The following HIVEP1 variants were observed in gnomAD, a reference collection of about 807,000 sequenced individuals.
HIVEP1 encodes HIVEP zinc finger 1, also known as zinc finger protein 40.
HIVEP1 carries 36 observed loss-of-function variants against 180.0 expected under a neutral mutation model. The ratio of observed to expected loss-of-function variants is 0.20; its 90% confidence interval spans 0.15 to 0.26. The LOEUF (loss-of-function observed/expected upper bound fraction) is 0.26, where lower values mean the gene tolerates loss of function less well. Among genes scored for constraint, HIVEP1 ranks in the 10% least tolerant of loss-of-function variants. HIVEP1 has a pLI of 1.00. For missense variants in HIVEP1, 3,143 were observed against 3,268.7 expected (o/e 0.96, Z 0.94); for synonymous variants, 1,239 against 1,239.0 (o/e 1.00, Z 0.00).
At chr6:12,082,691 G>GC (rs1772867258) in intron 2 of HIVEP1, among the ~76,000 whole-genome samples, 1 of 152,032 alleles carries the variant, frequency 6.6e-6, no homozygotes, top group South Asian at 2.1e-4. Context: ...AAACCCTAAT[G>GC]CCCCTCTACC....
At chr6:12,167,581 C>CATGTTATATTACCTGTATATATACAT (rs55679474), downstream of HIVEP1, among the ~76,000 whole-genome samples, 1 of 64,916 alleles carries the variant, frequency 1.5e-5, no homozygotes, top group African/African-American at 1.0e-4. Context: ...GTTATATATA[C>CATGTTATATTACCTGTATATATACAT]GTTATATTAC....
In HIVEP1 at chr6:12,164,482, C is replaced by CT. The variant is rs752138621; in HGVS notation, c.*30dup. 3.6e-4 allele frequency: 551 copies of CT among 1,531,496 alleles called. 1 individual carries two copies. The highest frequency in any genetic ancestry group is 7.0e-4 in the Middle Eastern group (4 of 5,742). 94.9% of individuals were successfully genotyped at this position (1,531,496 alleles called of 1,614,324 possible). On this transcript the variant is annotated 3_prime_UTR_variant, in exon 9 of 9. Transcript: ENST00000379388. ...CCTGATGGATTTTATTTTTTATTTG[C>CT]TTTTTTTTTATATAACACTTAAAGG...
chr6:12,161,590 G>A lies in HIVEP1; in HGVS notation c.6639G>A (p.Pro2213=), dbSNP rs760534569. 6.8e-6 allele frequency: 11 copies of A among 1,613,992 alleles called. No individual in the cohort carries two copies. The highest frequency in any genetic ancestry group is 2.2e-5 in the East Asian group (1 of 44,866). The change falls in exon 8 of 9, where the codon CCG becomes CCA. Residue 2213 remains proline (P), a synonymous_variant. Coordinates refer to ENST00000379388, the MANE Select transcript of HIVEP1 (RefSeq NM_002114.4). ...CCACACCCTCAGTCACAGCTAGCCC[G>A]CAGCACCTTCCATCTAGAAGTAGCC... ...LSATPSVTAS[P]QHLPSRSSLQ...
At chr6:12,191,285 A>G in the HIVEP1 span, among the ~76,000 whole-genome samples, 7 of 152,296 alleles carry the variant, frequency 4.6e-5, 1 homozygote, top group South Asian at 1.5e-3. Context: ...TCCGTTGTCA[A>G]CCAATCTAAA....
chr6:12,160,163 AGTG>A, intron 7 of HIVEP1, among the ~76,000 whole-genome samples: 1 of 152,322 alleles, frequency 6.6e-6, no homozygotes, highest in East Asian at 1.9e-4. Context: ...TTAAGCTTTC[AGTG>A]GGAAAGAGCC....
chr6:12,081,719 A>G (rs1198198521), intron 2 of HIVEP1, among the ~76,000 whole-genome samples: 7 of 152,104 alleles, frequency 4.6e-5, no homozygotes, highest in Admixed American at 2.6e-4. Flanking sequence ...AAACAAATCA[A>G]ATAGTCAAAA....
chr6:12,071,679 C>A (rs1581625976), intron 2 of HIVEP1, among the ~76,000 whole-genome samples: 3 of 152,202 alleles, frequency 2.0e-5, no homozygotes, highest in Admixed American at 2.0e-4. Flanking sequence ...GGGAGCAAAC[C>A]ATCTATTTTA....
chr6:12,046,881 G>GTGTGTGTGTGTGT (rs1581572516), intron 2 of HIVEP1, among the ~76,000 whole-genome samples: 2 of 151,370 alleles, frequency 1.3e-5, no homozygotes, highest in Non-Finnish European at 3.0e-5. Flanking sequence ...GTGTGTTTGA[G>GTGTGTGTGTGTGT]ATGGAGTCTC....
At chr6:12,135,752 CA>C (rs1462010917) in intron 6 of HIVEP1, 38 bp from the exon 7 acceptor site, 1 of 1,326,450 alleles carries the variant, frequency 7.5e-7, no homozygotes, top group East Asian at 2.3e-5. Context: ...ATAGCAAAAT[CA>C]TACTACTTAA....
At chr6:12,026,962 A>T (rs913060319) in intron 2 of HIVEP1, among the ~76,000 whole-genome samples, 1 of 152,152 alleles carries the variant, frequency 6.6e-6, no homozygotes, top group African/African-American at 2.4e-5. Context: ...TATTCTAGGG[A>T]TCAGTAAATC....
the HIVEP1 span, among the ~76,000 whole-genome samples, chr6:12,175,445 A>G: frequency 2.6e-5 from 4 of 152,250 alleles, no homozygotes; most frequent in African/African-American, 9.6e-5. Flanking sequence ...GTATAGTAAT[A>G]TCCAAATAAA....
Position 12,164,381 on chromosome 6 carries a change from C to T in HIVEP1, c.8077C>T (p.Leu2693=), listed in dbSNP as rs773414935. The part of the protein sequence containing the change: ...PDRQVPRPTA[L]PRRQPTVHFS... ...CAGACAGGTTCCCAGGCCCACAGCA[C>T]TACCGCGGAGGCAGCCCACTGTGCA... The change falls in exon 9 of 9, where the codon CTA becomes TTA. Residue 2693 remains leucine (L), a synonymous_variant. Transcript: ENST00000379388. 1.9e-6 allele frequency: 3 copies of T among 1,614,162 alleles called. No homozygotes were observed. Among genetic ancestry groups the T allele is most frequent in the African/African-American group, 1.3e-5 (1 of 75,070 alleles).
intron 3 of HIVEP1, 23 bp from the exon 4 acceptor site, chr6:12,119,867 G>C: frequency 1.5e-6 from 2 of 1,300,810 alleles, no homozygotes; most frequent in Non-Finnish European, 2.1e-6. Context: ...CCAATTGTTT[G>C]TTGTTGTTGT....
chr6:12,211,387 G>C, the HIVEP1 span, among the ~76,000 whole-genome samples: 16 of 68,198 alleles, frequency 2.3e-4, 1 homozygote, highest in Admixed American at 1.3e-3. Flanking sequence ...GTGACAGAGC[G>C]AGACTCTGTC....
chr6:12,015,719 A>G (rs768573900), intron 2 of HIVEP1, 51 bp downstream of exon 2: 4 of 1,530,718 alleles, frequency 2.6e-6, no homozygotes, highest in Admixed American at 1.8e-5. Flanking sequence ...TCTTTTAACA[A>G]AGTATCTCTT....
intron 2 of HIVEP1, among the ~76,000 whole-genome samples, chr6:12,042,742 A>T (rs1416798822): frequency 6.6e-6 from 1 of 152,158 alleles, no homozygotes; most frequent in Non-Finnish European, 1.5e-5. Flanking sequence ...TATTGATTCC[A>T]AAATATGTAG....
chr6:12,147,791 C>A (rs1003948279), intron 7 of HIVEP1, among the ~76,000 whole-genome samples: 19 of 152,100 alleles, frequency 1.2e-4, no homozygotes, highest in African/African-American at 3.9e-4. Flanking sequence ...TGTGATATCC[C>A]GTTTTTTATG....
chr6:12,152,929 T>C (rs894811837), intron 7 of HIVEP1, among the ~76,000 whole-genome samples: 11 of 152,320 alleles, frequency 7.2e-5, no homozygotes, highest in African/African-American at 2.6e-4. Context: ...ACACTTCAAA[T>C]AGTTTTTACG....
chr6:12,104,425 CTTTTTTTTTT>C (rs70981665), intron 3 of HIVEP1, among the ~76,000 whole-genome samples: 22 of 72,778 alleles, frequency 3.0e-4, no homozygotes, highest in African/African-American at 1.2e-3. Flanking sequence ...CTTTTCTTTC[CTTTTTTTTTT>C]TTTTTTTTTT....
Sources: allele counts gnomAD v4.1 joint callset (sites outside exome capture counted in the v4.1 genomes callset), GRCh38; gene constraint gnomAD v4.1.1; transcripts MANE v1.5; gene names NCBI Gene and HGNC (gene_info 2026-07-23, HGNC 2026-07-21).